Variants in PAAF1 observed in about 807,000 individuals in gnomAD.
The protein encoded by PAAF1 is proteasomal ATPase associated factor 1.
In PAAF1, 46 loss-of-function variants were observed where a neutral mutation model predicts 52.8. That is an observed-to-expected ratio of 0.87 (90% CI 0.69 to 1.11). PAAF1 has a LOEUF of 1.11. Ranked by LOEUF, PAAF1 falls within the 50% of genes most tolerant of loss-of-function variation. The pLI, the probability that PAAF1 is intolerant of heterozygous loss-of-function variation, is 0.00. For synonymous variants in PAAF1, 178 were observed against 172.8 expected (o/e 1.03, Z -0.24); for missense variants, 424 against 477.4 (o/e 0.89, Z 1.04).
In PAAF1 at chr11:73,928,471, C is replaced by T. The variant is rs1418211015; in HGVS notation, c.*1109C>T. 1 of 152,168 alleles carries T rather than the reference C, an allele frequency of 6.6e-6. No homozygotes were observed. Among genetic ancestry groups the T allele is most frequent in the Admixed American group, 6.5e-5 (1 of 15,272 alleles). The allele number at this position is 152,168 out of a possible 1,614,324, so 9.4% of individuals were successfully genotyped here. A position where few individuals can be genotyped will look rare whatever the true frequency, so the allele number is the denominator to read the frequency against. On this transcript the variant is annotated 3_prime_UTR_variant, in exon 12 of 12. Coordinates refer to ENST00000310571, the MANE Select transcript of PAAF1 (RefSeq NM_025155.3). Reference sequence around the variant, plus strand: ...TTTTCTCTAAACATAAAAATGGAATCATAATGTATGTATTCCATGGCTTAT... The same window carrying T: ...TTTTCTCTAAACATAAAAATGGAATTATAATGTATGTATTCCATGGCTTAT...
intron 4 of PAAF1, among the ~76,000 whole-genome samples, chr11:73,897,836 G>A (rs1949456525): frequency 1.3e-5 from 2 of 151,866 alleles, no homozygotes; most frequent in Non-Finnish European, 2.9e-5. Flanking sequence ...CAGGCTGCTG[G>A]GAGGTGGAGG....
chr11:73,928,063 GTTC>G lies in PAAF1; in HGVS notation c.*704_*706del, dbSNP rs1950407511. On this transcript the variant is annotated 3_prime_UTR_variant, in exon 12 of 12. Transcript: ENST00000310571. ...TAAAGGCATTGGCTGTCAAAGTGTG[GTTC>G]TTAGAACAGCAGCATCAGTATCACC... is the stretch of plus-strand genomic sequence containing the variant. The G allele has an allele frequency of 1.3e-5, 2 of 152,424 alleles. No homozygotes were observed. Among genetic ancestry groups the G allele is most frequent in the Middle Eastern group, 6.8e-3 (2 of 294 alleles). The allele number at this position is 152,424 out of a possible 1,614,324, so 9.4% of individuals were successfully genotyped here.
In PAAF1 at chr11:73,877,087, C is replaced by T. The variant is rs985893626; in HGVS notation, c.47+19C>T. On this transcript the variant is annotated intron_variant, in intron 1 of 11. Coordinates refer to ENST00000310571, the MANE Select transcript of PAAF1 (RefSeq NM_025155.3). ...CCCTCAGGTGAATCCAGGCCCAGAACAGAGTCAGAGGAGGCGGGTAGTGGA... is the reference window on the plus strand; with the variant it reads ...CCCTCAGGTGAATCCAGGCCCAGAATAGAGTCAGAGGAGGCGGGTAGTGGA... The T allele has an allele frequency of 5.3e-6, 8 of 1,520,476 alleles. No individual in the cohort carries two copies. The Admixed American group carries it at 1.3e-4, about 24-fold the overall frequency. The allele number at this position is 1,520,476 out of a possible 1,614,324, so 94.2% of individuals were successfully genotyped here. A position where few individuals can be genotyped will look rare whatever the true frequency, so the allele number is the denominator to read the frequency against.
chr11:73,918,256 C>T (rs1950120489), intron 9 of PAAF1, among the ~76,000 whole-genome samples: 1 of 151,714 alleles, frequency 6.6e-6, no homozygotes, highest in African/African-American at 2.4e-5. Context: ...CTGCTCTGAC[C>T]TTACCTGCCA....
rs573059113 is a variant in PAAF1, at chr11:73,901,832, A to G, written c.532+1412A>G. The stretch of plus-strand genomic sequence containing the variant: ...GTGATCCACCAGCCTCGGCCTCCCA[A>G]AGTGCTGGGATAACAGGCATTAGCC... On this transcript the variant is annotated intron_variant, in intron 6 of 11. Coordinates refer to ENST00000310571, the MANE Select transcript of PAAF1 (RefSeq NM_025155.3). 4.0e-5 allele frequency among the ~76,000 whole-genome samples: 6 copies of G among 151,162 alleles called. No homozygotes were observed. The South Asian group carries it at 1.2e-3, about 31-fold the overall frequency.
chr11:73,880,537 A>G (rs1300304627), intron 2 of PAAF1: 1 of 150,444 alleles, frequency 6.6e-6, no homozygotes. Flanking sequence ...AATACAAAAA[A>G]TTAGCCGGAT....
At position 73,916,611 on chromosome 11, in the gene PAAF1, G is replaced by T. The variant is rs946897312; in HGVS notation, c.886G>T (p.Ala296Ser). Residue 296 changes from alanine (A) to serine (S), a missense_variant, in exon 9 of 12, where the codon GCT (alanine) becomes TCT (serine). Physicochemically the swap from Ala to Ser is moderately conservative, Grantham distance 99. Transcript: ENST00000310571. ...TTTTCTCTCTGGCTTCTTGCTATTG[G>T]CTGGGACTCAAGATGGAAACATTTA... ...CTFLSGFLLL[A>S]GTQDGNIYQL... The T allele has an allele frequency of 1.9e-6, 3 of 1,613,938 alleles. No homozygotes were observed. Among genetic ancestry groups the T allele is most frequent in the Non-Finnish European group, 2.5e-6 (3 of 1,179,944 alleles).
intron 2 of PAAF1, among the ~76,000 whole-genome samples, chr11:73,886,651 C>T (rs1046065209): frequency 3.5e-5 from 4 of 115,224 alleles, no homozygotes; most frequent in South Asian, 2.7e-4. Context: ...CCAGCCTGGG[C>T]GACAGAGCAA....
chr11:73,912,736 C>A (rs923325338), intron 7 of PAAF1, among the ~76,000 whole-genome samples: 2 of 152,150 alleles, frequency 1.3e-5, no homozygotes, highest in African/African-American at 2.4e-5. Flanking sequence ...GCATGGTTTA[C>A]AACAAGCTCT....
chr11:73,898,203 G>T (rs1163506600), intron 4 of PAAF1, among the ~76,000 whole-genome samples: 29 of 145,410 alleles, frequency 2.0e-4, no homozygotes, highest in Non-Finnish European at 2.8e-4. Context: ...GGAGAGGGAG[G>T]GGGAGGGGAA....
In PAAF1 at chr11:73,918,115, C is replaced by G. The variant is rs952382161; in HGVS notation, c.936-835C>G. ...AAAGAAGGAGGAAAAGAGCTGGCCT[C>G]GGTAGAATCCCATGTATAGAATCCC... On this transcript the variant is annotated intron_variant, in intron 9 of 11. Transcript: ENST00000310571. Among the ~76,000 whole-genome samples, 4 of 152,072 alleles carry G rather than the reference C, an allele frequency of 2.6e-5. No homozygotes were observed. In the South Asian group the frequency reaches 8.3e-4, roughly 32 times the overall value.
At chr11:73,918,891 A>C in intron 9 of PAAF1, 59 bp from the exon 10 acceptor site, 1 of 1,280,362 alleles carries the variant, frequency 7.8e-7, no homozygotes, top group Non-Finnish European at 1.1e-6. Flanking sequence ...TATGTTGAAT[A>C]TAGTCAAGTA....
At chr11:73,878,698 T>A in intron 1 of PAAF1, 81 bp from the exon 2 acceptor site, 1 of 1,305,244 alleles carries the variant, frequency 7.7e-7, no homozygotes, top group Admixed American at 1.8e-5. Flanking sequence ...GGAGGTTACA[T>A]GACCTTCTTT....
rs902798873 is a variant in PAAF1 at position 73,885,343 on chromosome 11, T to C, written c.89-2011T>C. Among the ~76,000 whole-genome samples the C allele has an allele frequency of 5.3e-5, 8 of 150,574 alleles. No homozygotes were observed. The South Asian group carries it at 1.7e-3, about 32-fold the overall frequency. Reference sequence around the variant, plus strand: ...ATTTTTAGTAGAGAAGAGGTTTCACTATGTTGGCCAGGCTGGTCTTGAACT... The same window carrying C: ...ATTTTTAGTAGAGAAGAGGTTTCACCATGTTGGCCAGGCTGGTCTTGAACT... On this transcript the variant is annotated intron_variant, in intron 2 of 11. Transcript: ENST00000310571.
intron 6 of PAAF1, 101 bp from the exon 7 acceptor site, chr11:73,909,296 CAT>C: frequency 9.8e-7 from 1 of 1,021,876 alleles, no homozygotes; most frequent in South Asian, 1.5e-5. Context: ...CTGTTCAGAA[CAT>C]GTTTGTGAAG....
At chr11:73,904,681 C>T (rs917895265) in intron 6 of PAAF1, among the ~76,000 whole-genome samples, 1 of 151,938 alleles carries the variant, frequency 6.6e-6, no homozygotes, top group Non-Finnish European at 1.5e-5. Flanking sequence ...TTCCCATATA[C>T]GCATGTATGT....
rs1004608701 is a variant in PAAF1, at chr11:73,921,911, C to G, written c.1019-2704C>G. On this transcript the variant is annotated intron_variant, in intron 10 of 11. Transcript: ENST00000310571. ...TTAGTGATTCCCAGTGTATACATTT[C>G]TTTCTCACCTTGGCTTTTGGAATTG... 2.7e-6 allele frequency: 3 copies of G among 1,104,950 alleles called. No homozygotes were observed. In the East Asian group the frequency reaches 8.4e-5, roughly 31 times the overall value. 68.4% of individuals were successfully genotyped at this position (1,104,950 alleles called of 1,614,324 possible). A position where few individuals can be genotyped will look rare whatever the true frequency, so the allele number is the denominator to read the frequency against.
intron 2 of PAAF1, 105 bp from the exon 3 acceptor site, chr11:73,887,249 A>G (rs892278302): frequency 4.1e-5 from 31 of 753,150 alleles, no homozygotes; most frequent in African/African-American, 2.0e-4. Flanking sequence ...TCGTGGGCCA[A>G]TTTCATGGGT....
At chr11:73,908,335 ATG>A (rs1203353605) in intron 6 of PAAF1, among the ~76,000 whole-genome samples, 2 of 112,114 alleles carry the variant, frequency 1.8e-5, no homozygotes, top group East Asian at 2.3e-4. Context: ...ATGTATATAT[ATG>A]TGTATATATG....
Sources: gnomAD v4.1 joint callset for allele counts (sites outside exome capture counted in the v4.1 genomes callset) on GRCh38, gnomAD v4.1.1 for gene constraint, MANE v1.5 for transcripts, NCBI Gene and HGNC (gene_info 2026-07-23, HGNC 2026-07-21) for gene names.